MAPK6: variants seen among roughly 807,000 people sequenced by gnomAD.
MAPK6 encodes the protein mitogen-activated protein kinase 6, also known as ERK-3.
MAPK6 carries 19 observed loss-of-function variants against 59.3 expected under a neutral mutation model. That is an observed-to-expected ratio of 0.32 (90% CI 0.22 to 0.47). The LOEUF (loss-of-function observed/expected upper bound fraction) is 0.47. MAPK6 is among the 20% of genes least tolerant of loss of function. The pLI, the probability that MAPK6 is intolerant of heterozygous loss-of-function variation, is 1.00. For synonymous variants in MAPK6, 316 were observed against 290.3 expected (o/e 1.09, Z -0.90); for missense variants, 724 against 847.9 (o/e 0.85, Z 1.81).
In MAPK6 at chr15:51,979,135, AAGGG is replaced by A. The variant is rs765157718; in HGVS notation, c.-879-4057_-879-4054del. ...AAAAAAAGAGAGAAAGAAAGGAAGG[AAGGG>A]AGGGAGGGAGGGAAGGAAGAGAAGG... On this transcript the variant is annotated intron_variant, in intron 1 of 7. Coordinates refer to the MAPK6 transcript ENST00000691380. 4.7e-4 allele frequency among the ~76,000 whole-genome samples: 65 copies of A among 138,392 alleles called. 1 individual carries two copies. The highest frequency in any genetic ancestry group is 8.4e-4 in the South Asian group (3 of 3,586). 90.8% of individuals were successfully genotyped at this position (138,392 alleles called of 152,430 possible).
chr15:52,019,154 G>A (rs970223718), upstream of MAPK6: 3 of 152,208 alleles, frequency 2.0e-5, no homozygotes, highest in Non-Finnish European at 4.4e-5. Context: ...CAGGGCGGGG[G>A]CGGGAGAACC....
intron 1 of MAPK6, 68 bp downstream of exon 1, chr15:52,019,444 C>CCGCGGCGGGCCCGG (rs2030405174): frequency 6.8e-6 from 1 of 146,382 alleles, no homozygotes; most frequent in Non-Finnish European, 1.5e-5. Context: ...CGCGGCGGGC[C>CCGCGGCGGGCCCGG]CGGCGGCGGC....
intron 1 of MAPK6, among the ~76,000 whole-genome samples, chr15:52,025,235 T>A (rs575731385): frequency 2.6e-5 from 4 of 152,108 alleles, no homozygotes; most frequent in African/African-American, 9.7e-5. Flanking sequence ...CAAGAGACCC[T>A]GTCTCAAAAA....
At chr15:52,031,935 C>G (rs1257025152) in intron 1 of MAPK6, among the ~76,000 whole-genome samples, 1 of 151,770 alleles carries the variant, frequency 6.6e-6, no homozygotes, top group Non-Finnish European at 1.5e-5. Flanking sequence ...GAGTCTCGCT[C>G]TGTTGCCCAG....
intron 2 of MAPK6, among the ~76,000 whole-genome samples, chr15:51,984,133 A>G (rs2057182984): frequency 6.6e-6 from 1 of 152,196 alleles, no homozygotes; most frequent in African/African-American, 2.4e-5. Context: ...AGAATTGTTC[A>G]AATAAATTAT....
At chr15:52,013,007 A>T (rs1595968876) in intron 3 of MAPK6, among the ~76,000 whole-genome samples, 1 of 22,514 alleles carries the variant, frequency 4.4e-5, no homozygotes, top group African/African-American at 1.5e-4. Context: ...AAAAAAAAAA[A>T]AAAAAAAAAA....
At chr15:52,054,476 C>T (rs1271710066) in intron 3 of MAPK6, among the ~76,000 whole-genome samples, 1 of 152,160 alleles carries the variant, frequency 6.6e-6, no homozygotes, top group African/African-American at 2.4e-5. Flanking sequence ...ACTGAATTAT[C>T]TTGACACTTT....
intron 2 of MAPK6, among the ~76,000 whole-genome samples, chr15:51,989,869 G>T (rs2057202658): frequency 1.3e-5 from 2 of 152,176 alleles, no homozygotes; most frequent in African/African-American, 4.8e-5. Context: ...TTCCTGAATT[G>T]GTGGGATTAC....
At chr15:52,012,982 G>A (rs561035148) in intron 3 of MAPK6, among the ~76,000 whole-genome samples, 4 of 81,834 alleles carry the variant, frequency 4.9e-5, no homozygotes, top group Non-Finnish European at 8.7e-5. Flanking sequence ...GTGAGACTCC[G>A]CCTGGAAAAA....
chr15:52,059,537 T>C (rs1207129442), intron 4 of MAPK6, among the ~76,000 whole-genome samples: 2 of 152,216 alleles, frequency 1.3e-5, no homozygotes, highest in Admixed American at 6.5e-5. Flanking sequence ...CTCAGCCAGG[T>C]GAAGACACTG....
At chr15:52,001,509 C>CTTTT (rs71130114) in intron 2 of MAPK6, among the ~76,000 whole-genome samples, 1,970 of 128,050 alleles carry the variant, frequency 0.015, 75 homozygotes, top group African/African-American at 0.055. Flanking sequence ...CTTTTCCTTT[C>CTTTT]TTTTTTTTTT....
chr15:52,064,251 A>G lies in MAPK6; in HGVS notation c.1417A>G (p.Ile473Val), dbSNP rs779988135. 1.9e-6 allele frequency: 3 copies of G among 1,610,970 alleles called. No individual in the cohort carries two copies. Among genetic ancestry groups the G allele is most frequent in the Non-Finnish European group, 2.5e-6 (3 of 1,179,516 alleles). ...TAACCATTACTATGAACCCAAGCTT[A>G]TTATAGATCTTTCCAATTGGAAAGA... ...EVNHYYEPKL[I>V]IDLSNWKEQS... is the part of the protein sequence containing the mutation. The change falls in exon 6 of 6, where the codon ATT (isoleucine) becomes GTT (valine). Residue 473 changes from isoleucine to valine, a missense_variant. Physicochemically the swap from Ile to Val is conservative, Grantham distance 29. Transcript: ENST00000261845.
intron 3 of MAPK6, among the ~76,000 whole-genome samples, chr15:52,058,362 T>G (rs1163174795): frequency 2.0e-5 from 3 of 152,204 alleles, no homozygotes; most frequent in Non-Finnish European, 4.4e-5. Context: ...GTTGCTTTTT[T>G]TTTCACTAGT....
intron 1 of MAPK6, among the ~76,000 whole-genome samples, chr15:51,982,277 G>T (rs1373718395): frequency 2.0e-5 from 3 of 152,148 alleles, no homozygotes; most frequent in Non-Finnish European, 2.9e-5. Flanking sequence ...CTATCTCGTC[G>T]GCGGGTGGGG....
rs1199853658 is a variant in MAPK6 at position 52,066,344 on chromosome 15, C to T, written c.*1344C>T. 6.6e-6 allele frequency: 1 copy of T among 152,116 alleles called. No individual in the cohort carries two copies. Among genetic ancestry groups the T allele is most frequent in the Non-Finnish European group, 1.5e-5 (1 of 68,028 alleles). 9.4% of individuals were successfully genotyped at this position (152,116 alleles called of 1,614,324 possible). On this transcript the variant is annotated 3_prime_UTR_variant, in exon 6 of 6. Transcript: ENST00000261845. ...TACCAGAATCACTTTGAATTATGGCCATAAATTGCTAGTCTGAAAGGCTGA... is the reference window on the plus strand; with the variant it reads ...TACCAGAATCACTTTGAATTATGGCTATAAATTGCTAGTCTGAAAGGCTGA...
In MAPK6 at chr15:52,046,861, A is replaced by G. The variant is rs1445686875; in HGVS notation, c.401A>G (p.Tyr134Cys). ...GAAGAGCATGCCAGGCTTTTCATGT[A>G]TCAGCTGCTACGGGGGCTCAAGTAT... ...LLEEHARLFM[Y>C]QLLRGLKYIH... Residue 134 changes from tyrosine (Y) to cysteine (C), a missense_variant, in exon 2 of 6, where the codon TAT becomes TGT. Coordinates refer to ENST00000261845, the MANE Select transcript of MAPK6 (RefSeq NM_002748.4). 1.2e-6 allele frequency: 2 copies of G among 1,613,990 alleles called. No individual in the cohort carries two copies. Among genetic ancestry groups the G allele is most frequent in the Non-Finnish European group, 1.7e-6 (2 of 1,180,018 alleles).
intron 3 of MAPK6, among the ~76,000 whole-genome samples, chr15:52,055,604 C>T (rs2031947831): frequency 6.6e-6 from 1 of 152,160 alleles, no homozygotes; most frequent in African/African-American, 2.4e-5. Flanking sequence ...AAACCTCCTC[C>T]TCCCGGGTTC....
intron 1 of MAPK6, among the ~76,000 whole-genome samples, chr15:52,030,190 T>C (rs998927595): frequency 6.6e-6 from 1 of 152,222 alleles, no homozygotes; most frequent in Non-Finnish European, 1.5e-5. Context: ...TAGCTTCTTA[T>C]TCAGGTTTCA....
rs973960632 is a variant in MAPK6 at position 52,065,325 on chromosome 15, C to T, written c.*325C>T. ...GAAACAAACCTTGCCTTGAAATTTA[C>T]ACAGTGAGACTGTACATAATTGCAT... is the stretch of plus-strand genomic sequence containing the variant. On this transcript the variant is annotated 3_prime_UTR_variant, in exon 6 of 6. Transcript: ENST00000261845. 4.9e-6 allele frequency: 1 copy of T among 204,366 alleles called. No homozygotes were observed. The highest frequency in any genetic ancestry group is 2.3e-5 in the African/African-American group (1 of 43,164). The allele number at this position is 204,366 out of a possible 1,614,324, so 12.7% of individuals were successfully genotyped here.
Sources: gnomAD v4.1 joint callset for allele counts (sites outside exome capture counted in the v4.1 genomes callset) on GRCh38, gnomAD v4.1.1 for gene constraint, MANE v1.5 for transcripts, NCBI Gene and HGNC (gene_info 2026-07-23, HGNC 2026-07-21) for gene names.